ZKSCAN5: variants seen among roughly 807,000 people sequenced by gnomAD.
ZKSCAN5 encodes zinc finger with KRAB and SCAN domains 5, also known as zinc finger protein with KRAB and SCAN domains 5.
ZKSCAN5 carries 28 observed loss-of-function variants against 60.0 expected under a neutral mutation model. That is an observed-to-expected ratio of 0.47 (90% CI 0.35 to 0.64). ZKSCAN5 has a LOEUF of 0.64. Among genes scored for constraint, ZKSCAN5 ranks in the 30% least tolerant of loss-of-function variants. The pLI, the probability that ZKSCAN5 is intolerant of heterozygous loss-of-function variation, is 0.01. For synonymous variants in ZKSCAN5, 361 were observed against 371.2 expected, an observed-to-expected ratio of 0.97 and a Z score of 0.31; for missense variants, 881 against 1,034.6, an observed-to-expected ratio of 0.85 and a Z score of 2.04.
chr7:99,512,355 T>G, intron 2 of ZKSCAN5, 98 bp from the exon 3 acceptor site: 1 of 1,462,706 alleles, frequency 6.8e-7, no homozygotes, highest in Non-Finnish European at 9.3e-7. Context: ...ACATTAAATA[T>G]TTGGCAAAGG....
intron 3 of ZKSCAN5, among the ~76,000 whole-genome samples, chr7:99,519,592 T>C (rs1359992414): frequency 1.3e-5 from 2 of 152,136 alleles, no homozygotes; most frequent in African/African-American, 4.8e-5. Flanking sequence ...ATGCATCCTT[T>C]ATAGCGGAAA....
chr7:99,522,326 G>T (rs1041733534), intron 5 of ZKSCAN5, among the ~76,000 whole-genome samples: 1 of 152,102 alleles, frequency 6.6e-6, no homozygotes, highest in South Asian at 2.1e-4. Context: ...GGGGTGTTGG[G>T]GAACAAGAGA....
intron 2 of ZKSCAN5, among the ~76,000 whole-genome samples, chr7:99,509,803 T>A (rs921299542): frequency 2.6e-5 from 4 of 152,046 alleles, no homozygotes; most frequent in African/African-American, 7.2e-5. Context: ...TATACCCTTT[T>A]ATGGTGGTGA....
chr7:99,520,152 G>C lies in ZKSCAN5; in HGVS notation c.637-17G>C. On this transcript the variant is annotated splice_polypyrimidine_tract_variant and intron_variant, in intron 4 of 6. Coordinates refer to ENST00000326775, the MANE Select transcript of ZKSCAN5 (RefSeq NM_145102.4). The stretch of plus-strand genomic sequence containing the variant: ...GGACATAGGGAATGAGAATTTAGTG[G>C]AGATCTCCTGTTTCAGAAGTTGGTG... 5 of 1,607,952 alleles carry C rather than the reference G, an allele frequency of 3.1e-6. No individual in the cohort carries two copies. The highest frequency in any genetic ancestry group is 4.2e-6 in the Non-Finnish European group (5 of 1,177,754).
intron 3 of ZKSCAN5, among the ~76,000 whole-genome samples, chr7:99,518,719 A>G (rs977426772): frequency 2.8e-4 from 33 of 117,086 alleles, no homozygotes; most frequent in Admixed American, 1.2e-4. Flanking sequence ...TCTGTCACCC[A>G]GGCTGGAGTG....
intron 3 of ZKSCAN5, among the ~76,000 whole-genome samples, chr7:99,517,620 G>T (rs1009866904): frequency 5.3e-5 from 8 of 152,130 alleles, no homozygotes; most frequent in African/African-American, 1.9e-4. Flanking sequence ...GGCGGAGGTT[G>T]CAGTTGGCCA....
rs781731550 is a variant in ZKSCAN5, at chr7:99,520,223, G to A, written c.691G>A (p.Glu231Lys). 1 of 1,614,186 alleles carries A rather than the reference G, an allele frequency of 6.2e-7. No homozygotes were observed. Among genetic ancestry groups the A allele is most frequent in the South Asian group, 1.1e-5 (1 of 91,076 alleles). The change falls in exon 5 of 7, where the codon GAA (glutamate) becomes AAA (lysine). Residue 231 changes from glutamate to lysine, a missense_variant. Around this residue, in one of 5 missense-constraint regions of ZKSCAN5, gnomAD observed 490 missense variants for 554.5 expected, o/e 0.88. Coordinates refer to ENST00000326775, the MANE Select transcript of ZKSCAN5 (RefSeq NM_145102.4). The stretch of plus-strand genomic sequence containing the variant: ...TGTGGCTGTATCCTTCATCCTGGAG[G>A]AATGGGGGCATTTGGACCAGTCCCA... ...ADVAVSFILE[E>K]WGHLDQSQKS...
chr7:99,507,160 C>T (rs559596965), intron 2 of ZKSCAN5, among the ~76,000 whole-genome samples: 60 of 152,204 alleles, frequency 3.9e-4, no homozygotes, highest in African/African-American at 1.4e-3. Flanking sequence ...AGCATATATA[C>T]GTCTCATACT....
chr7:99,505,923 GATGCCCAAT>G, intron 1 of ZKSCAN5, 73 bp from the exon 2 acceptor site: 1 of 1,194,864 alleles, frequency 8.4e-7, no homozygotes, highest in Non-Finnish European at 1.2e-6. Flanking sequence ...TGCTAATAAT[GATGCCCAAT>G]ACATCAGTAG....
Position 99,510,030 on chromosome 7 carries a change from G to T in ZKSCAN5, c.415-2423G>T, listed in dbSNP as rs186452075. Among the ~76,000 whole-genome samples the T allele has an allele frequency of 8.9e-3, 1,300 of 146,646 alleles. 8 individuals are homozygous for T. The highest frequency in any genetic ancestry group is 0.013 in the Non-Finnish European group (845 of 66,472). On this transcript the variant is annotated intron_variant, in intron 2 of 6. Transcript: ENST00000326775. ...CACAATCATAGCTCACTGCAGCCTC[G>T]AACTCCTGGCCTCAAGTGATCCTCT...
intron 2 of ZKSCAN5, among the ~76,000 whole-genome samples, chr7:99,510,902 C>A (rs760457553): frequency 6.6e-6 from 1 of 152,050 alleles, no homozygotes; most frequent in Non-Finnish European, 1.5e-5. Context: ...TGCTACCAGG[C>A]CTGGCTAATT....
At chr7:99,505,397 G>A (rs1800673543) in intron 1 of ZKSCAN5, 1 of 152,098 alleles carries the variant, frequency 6.6e-6, no homozygotes, top group Non-Finnish European at 1.5e-5. Flanking sequence ...TTGAGGGGAG[G>A]GGGCAGGGGC....
chr7:99,512,648 T>C (rs1801996652), intron 3 of ZKSCAN5, 57 bp downstream of exon 3: 3 of 1,575,718 alleles, frequency 1.9e-6, no homozygotes, highest in Non-Finnish European at 2.6e-6. Flanking sequence ...GCCTTGGCCA[T>C]GTGGCAGGCA....
Position 99,533,320 on chromosome 7 carries a change from G to C in ZKSCAN5, c.*1071G>C. ...AAGGTTGGGGTGGGAGTTTTGAGTG[G>C]GAAAGAGGATGACATGTGTGAGAGA... is the stretch of plus-strand genomic sequence containing the variant. On this transcript the variant is annotated 3_prime_UTR_variant, in exon 7 of 7. Transcript: ENST00000326775. 1.5e-6 allele frequency: 1 copy of C among 652,616 alleles called. No individual in the cohort carries two copies. Among genetic ancestry groups the C allele is most frequent in the Non-Finnish European group, 2.8e-6 (1 of 353,966 alleles). 40.4% of individuals were successfully genotyped at this position (652,616 alleles called of 1,614,324 possible).
chr7:99,529,986 G>A (rs1452276573), intron 6 of ZKSCAN5, among the ~76,000 whole-genome samples: 3 of 149,220 alleles, frequency 2.0e-5, no homozygotes, highest in East Asian at 4.0e-4. Context: ...CACCCACCTC[G>A]GCTTCCCAAA....
intron 2 of ZKSCAN5, among the ~76,000 whole-genome samples, chr7:99,507,953 A>G (rs1196259467): frequency 1.3e-5 from 2 of 152,070 alleles, no homozygotes; most frequent in Non-Finnish European, 2.9e-5. Context: ...AAATATATGT[A>G]TATAAAATTA....
chr7:99,526,045 C>A lies in ZKSCAN5; in HGVS notation c.1005C>A (p.Ser335Arg), dbSNP rs114266714. Residue 335 changes from serine (S) to arginine (R), a missense_variant, in exon 6 of 7, where the codon AGC (serine) becomes AGA (arginine). Around this residue, in one of 5 missense-constraint regions of ZKSCAN5, gnomAD observed 490 missense variants for 554.5 expected, o/e 0.88. Coordinates refer to ENST00000326775, the MANE Select transcript of ZKSCAN5 (RefSeq NM_145102.4). ...ATCTGGATGCAATCACAGACATCAG[C>A]CCTAAGCAAAGCACACATGGCGAGA... ...KRDLDAITDI[S>R]PKQSTHGERG... The A allele has an allele frequency of 2.8e-5, 45 of 1,614,162 alleles. 1 individual carries two copies. In the East Asian group the frequency reaches 8.9e-4, roughly 32 times the overall value.
chr7:99,506,073 T>C lies in ZKSCAN5; in HGVS notation c.29T>C (p.Ile10Thr), dbSNP rs947750711. ...ATAATGACCGAATCCCGAGAAGTTA[T>C]AGACTTAGACCCCCCAGCTGAGACT... MIMTESREV[I>T]DLDPPAETSQ... Residue 10 changes from isoleucine (I) to threonine (T), a missense_variant, in exon 2 of 7, where the codon ATA (isoleucine) becomes ACA (threonine). Around this residue, in one of 5 missense-constraint regions of ZKSCAN5, gnomAD observed 88 missense variants for 65.2 expected, o/e 1.35. Coordinates refer to ENST00000326775, the MANE Select transcript of ZKSCAN5 (RefSeq NM_145102.4). 4.3e-6 allele frequency: 7 copies of C among 1,613,934 alleles called. No homozygotes were observed. In the African/African-American group the frequency reaches 5.3e-5, roughly 12 times the overall value.
At chr7:99,507,515 GTA>G (rs924450077) in intron 2 of ZKSCAN5, among the ~76,000 whole-genome samples, 1 of 136,706 alleles carries the variant, frequency 7.3e-6, no homozygotes, top group African/African-American at 3.2e-5. Context: ...ATATATGTGT[GTA>G]TATATGTATA....
Sources: allele counts gnomAD v4.1 joint callset (sites outside exome capture counted in the v4.1 genomes callset), GRCh38; gene constraint gnomAD v4.1.1; regional missense constraint gnomAD v4.1.1; transcripts MANE v1.5; gene names NCBI Gene and HGNC (gene_info 2026-07-23, HGNC 2026-07-21).